Variants in SEMA3A observed in about 807,000 individuals in gnomAD.
SEMA3A encodes the protein semaphorin 3A.
A neutral mutation model predicts 97.9 loss-of-function variants in SEMA3A; 29 were observed. The observed-to-expected ratio is 0.30, with a 90% CI of 0.22 to 0.40. SEMA3A has a LOEUF of 0.40. SEMA3A is among the 10% of genes least tolerant of loss of function. The probability of loss-of-function intolerance (pLI) is 1.00; values close to 1 mark genes in which losing one functional copy is unlikely to be tolerated. For missense variants in SEMA3A, 763 were observed against 951.3 expected (o/e 0.80, Z 2.60); for synonymous variants, 321 against 323.7 (o/e 0.99, Z 0.09).
chr7:84,167,262 G>C (rs965795218), intron 1 of SEMA3A, among the ~76,000 whole-genome samples: 1 of 152,068 alleles, frequency 6.6e-6, no homozygotes, highest in African/African-American at 2.4e-5. Flanking sequence ...AATAAAGCTC[G>C]AAGTCATACA....
In SEMA3A at chr7:84,410,020, G is replaced by C. The variant is rs910948011; in HGVS notation, c.-245-38120C>G. 3.9e-5 allele frequency among the ~76,000 whole-genome samples: 6 copies of C among 152,082 alleles called. No individual in the cohort carries two copies. In the South Asian group the frequency reaches 6.2e-4, roughly 16 times the overall value. On this transcript the variant is annotated intron_variant, in intron 1 of 3. Transcript: ENST00000424555. ...AAATGATTCATAAGGATCACGTAGG[G>C]AGTAGCATTGGTTATAGTATAACTG... is the stretch of plus-strand genomic sequence containing the variant.
intron 1 of SEMA3A, among the ~76,000 whole-genome samples, chr7:84,405,631 C>A (rs960386699): frequency 1.3e-5 from 2 of 151,936 alleles, no homozygotes; most frequent in African/African-American, 4.8e-5. Context: ...CCAAAAATGA[C>A]CACATAGTTG....
At chr7:84,313,356 G>GTATA (rs869145201) in intron 2 of SEMA3A, among the ~76,000 whole-genome samples, 96 of 22,926 alleles carry the variant, frequency 4.2e-3, no homozygotes, top group Non-Finnish European at 6.1e-3. Context: ...ATGTGTGTGT[G>GTATA]TATATATATA....
At chr7:84,018,823 A>T (rs1791203083) in intron 6 of SEMA3A, among the ~76,000 whole-genome samples, 1 of 152,336 alleles carries the variant, frequency 6.6e-6, no homozygotes, top group Admixed American at 6.5e-5. Context: ...CTGGCTCTGG[A>T]CAAAGCCACT....
intron 16 of SEMA3A, 105 bp downstream of exon 16, chr7:83,963,100 G>A (rs986653523): frequency 8.2e-7 from 1 of 1,218,912 alleles, no homozygotes; most frequent in South Asian, 1.3e-5. Flanking sequence ...TTCAGAAGAG[G>A]ATAAGCATTC....
chr7:84,336,112 G>A (rs747026009), intron 2 of SEMA3A, among the ~76,000 whole-genome samples: 1 of 152,026 alleles, frequency 6.6e-6, no homozygotes, highest in Non-Finnish European at 1.5e-5. Context: ...CTTCTTCCTA[G>A]ACACCATATT....
chr7:84,295,723 T>G (rs1345990695), intron 3 of SEMA3A, among the ~76,000 whole-genome samples: 1 of 152,110 alleles, frequency 6.6e-6, no homozygotes, highest in Non-Finnish European at 1.5e-5. Context: ...AGCCAAAGTT[T>G]AAAAAATGAT....
chr7:84,390,339 A>ATTATTC (rs1344776100), intron 1 of SEMA3A, among the ~76,000 whole-genome samples: 2 of 71,198 alleles, frequency 2.8e-5, no homozygotes, highest in East Asian at 5.9e-4. Context: ...TTCAAGAATT[A>ATTATTC]TTATTATTAT....
At chr7:84,267,763 T>C (rs1361691301) in intron 3 of SEMA3A, among the ~76,000 whole-genome samples, 1 of 152,120 alleles carries the variant, frequency 6.6e-6, no homozygotes, top group Non-Finnish European at 1.5e-5. Flanking sequence ...TTAACACACA[T>C]ATGCAAACAC....
intron 2 of SEMA3A, among the ~76,000 whole-genome samples, chr7:84,313,651 T>C (rs1801422188): frequency 6.6e-6 from 1 of 151,670 alleles, no homozygotes; most frequent in Non-Finnish European, 1.5e-5. Flanking sequence ...GAATATCAGC[T>C]TGATGATTTT....
chr7:84,276,497 C>A (rs1318152993), intron 3 of SEMA3A, among the ~76,000 whole-genome samples: 2 of 151,982 alleles, frequency 1.3e-5, no homozygotes, highest in African/African-American at 4.8e-5. Flanking sequence ...CATTCTAGTA[C>A]AATTTCCAGC....
At chr7:84,239,697 T>G (rs1799315443) in intron 3 of SEMA3A, among the ~76,000 whole-genome samples, 1 of 152,170 alleles carries the variant, frequency 6.6e-6, no homozygotes, top group Non-Finnish European at 1.5e-5. Flanking sequence ...TAAAATGATC[T>G]GATACACTAA....
In SEMA3A at chr7:83,986,935, T is replaced by A. The variant is rs1789655573; in HGVS notation, c.1453-1458A>T. On this transcript the variant is annotated intron_variant, in intron 12 of 16. Coordinates refer to ENST00000265362, the MANE Select transcript of SEMA3A (RefSeq NM_006080.3). ...GCTTGGTATATAGTGTTTATTCAAA[T>A]CTCTCTTTCCTCTCTTCTCTCATCT... Among the ~76,000 whole-genome samples, 4 of 150,120 alleles carry A rather than the reference T, an allele frequency of 2.7e-5. No individual in the cohort carries two copies. The Admixed American group carries it at 2.7e-4, about 10-fold the overall frequency.
chr7:84,307,566 C>G (rs1801191566), intron 2 of SEMA3A, among the ~76,000 whole-genome samples: 1 of 152,116 alleles, frequency 6.6e-6, no homozygotes, highest in Non-Finnish European at 1.5e-5. Flanking sequence ...TATTTAGGCT[C>G]TGGCTCTACT....
chr7:84,253,069 G>C (rs546511810), intron 3 of SEMA3A, among the ~76,000 whole-genome samples: 43 of 152,000 alleles, frequency 2.8e-4, no homozygotes, highest in African/African-American at 9.9e-4. Context: ...GTAGAGACAG[G>C]GTTTCACCAC....
chr7:84,276,888 A>G (rs1177988539), intron 3 of SEMA3A, among the ~76,000 whole-genome samples: 1 of 152,158 alleles, frequency 6.6e-6, no homozygotes, highest in Non-Finnish European at 1.5e-5. Context: ...GCAGTCCCTC[A>G]ATAAATACGA....
chr7:84,238,405 T>C (rs551304115), intron 3 of SEMA3A, among the ~76,000 whole-genome samples: 1 of 152,216 alleles, frequency 6.6e-6, no homozygotes, highest in South Asian at 2.1e-4. Context: ...TACAGGACAG[T>C]GAATAATCTA....
intron 3 of SEMA3A, among the ~76,000 whole-genome samples, chr7:84,116,120 A>G (rs879659565): frequency 6.6e-6 from 1 of 152,098 alleles, no homozygotes; most frequent in Admixed American, 6.6e-5. Flanking sequence ...CCTCCTTTCT[A>G]CCCCATCTTG....
At chr7:84,474,231 G>A (rs530469043) in intron 1 of SEMA3A, among the ~76,000 whole-genome samples, 3 of 152,300 alleles carry the variant, frequency 2.0e-5, no homozygotes, top group South Asian at 2.1e-4. Flanking sequence ...ATAAAAATAT[G>A]CAAATTGTAT....
Sources: allele counts gnomAD v4.1 joint callset (sites outside exome capture counted in the v4.1 genomes callset), GRCh38; gene constraint gnomAD v4.1.1; transcripts MANE v1.5; gene names NCBI Gene and HGNC (gene_info 2026-07-23, HGNC 2026-07-21).